MXI1: variants seen among roughly 807,000 people sequenced by gnomAD.
MXI1 encodes max-interacting protein 1.
MXI1 carries 18 observed loss-of-function variants against 36.9 expected under a neutral mutation model. That is an observed-to-expected ratio of 0.49 (90% CI 0.34 to 0.72). The LOEUF (loss-of-function observed/expected upper bound fraction) is 0.72. Among genes scored for constraint, MXI1 ranks in the 30% least tolerant of loss-of-function variants. The pLI is 0.01. For missense variants in MXI1, 304 were observed against 379.1 expected (o/e 0.80, Z 1.64); for synonymous variants, 160 against 146.7 (o/e 1.09, Z -0.65).
At chr10:110,215,719 T>C (rs1854621069) in intron 1 of MXI1, among the ~76,000 whole-genome samples, 1 of 152,178 alleles carries the variant, frequency 6.6e-6, no homozygotes, top group South Asian at 2.1e-4. Context: ...CTTAGAAAAA[T>C]ACTATCTTTT....
intron 1 of MXI1, chr10:110,226,170 A>C: frequency 7.0e-7 from 1 of 1,425,940 alleles, no homozygotes; most frequent in Non-Finnish European, 9.2e-7. Context: ...TCGGCCCGAG[A>C]AGGGAGTGCG....
At chr10:110,235,505 G>A (rs902120726) in intron 2 of MXI1, among the ~76,000 whole-genome samples, 1 of 151,792 alleles carries the variant, frequency 6.6e-6, no homozygotes, top group Admixed American at 6.6e-5. Flanking sequence ...GGCTAACATG[G>A]GGAAACCCTG....
chr10:110,226,395 T>G, intron 1 of MXI1: 35 of 888,492 alleles, frequency 3.9e-5, no homozygotes, highest in East Asian at 1.5e-4. Context: ...AGGTGAGGTG[T>G]GCGCGCATGT....
chr10:110,235,138 C>T (rs1043399844), intron 2 of MXI1, among the ~76,000 whole-genome samples: 5 of 152,132 alleles, frequency 3.3e-5, no homozygotes, highest in Admixed American at 1.3e-4. Context: ...AAATGAGAAG[C>T]GTTTCTTGCT....
intron 3 of MXI1, among the ~76,000 whole-genome samples, chr10:110,245,245 A>G: frequency 6.6e-6 from 1 of 152,172 alleles, no homozygotes; most frequent in East Asian, 1.9e-4. Flanking sequence ...TTGTTCATTC[A>G]TTCATTCATT....
At chr10:110,235,291 T>C (rs1197319398) in intron 2 of MXI1, among the ~76,000 whole-genome samples, 1 of 152,210 alleles carries the variant, frequency 6.6e-6, no homozygotes, top group Non-Finnish European at 1.5e-5. Context: ...TAGTACTGTT[T>C]ATTATTAATC....
intron 1 of MXI1, chr10:110,226,004 C>A: frequency 3.1e-6 from 3 of 982,956 alleles, no homozygotes; most frequent in South Asian, 4.7e-5. Context: ...GTAAACAAAC[C>A]ACGCGCGGGC....
intron 3 of MXI1, among the ~76,000 whole-genome samples, chr10:110,276,795 G>T (rs1857047975): frequency 6.6e-6 from 1 of 150,814 alleles, no homozygotes; most frequent in South Asian, 2.1e-4. Context: ...TTTCCTTGAT[G>T]TGAAAGTTTA....
At chr10:110,222,772 T>C (rs536760938) in intron 1 of MXI1, among the ~76,000 whole-genome samples, 3 of 152,364 alleles carry the variant, frequency 2.0e-5, no homozygotes, top group South Asian at 4.1e-4. Context: ...AGAAAGGCTA[T>C]GGCTGCCTCT....
chr10:110,220,016 A>G (rs1854759661), intron 1 of MXI1, among the ~76,000 whole-genome samples: 1 of 152,170 alleles, frequency 6.6e-6, no homozygotes, highest in Non-Finnish European at 1.5e-5. Context: ...ACACTCCTAC[A>G]ATGTTTCTAC....
At chr10:110,211,222 G>A (rs893689456) in intron 1 of MXI1, among the ~76,000 whole-genome samples, 2 of 152,080 alleles carry the variant, frequency 1.3e-5, no homozygotes, top group African/African-American at 4.8e-5. Flanking sequence ...CCCAGCTAGA[G>A]ACACATGGTT....
intron 2 of MXI1, among the ~76,000 whole-genome samples, chr10:110,231,442 C>G (rs1855257667): frequency 6.6e-6 from 1 of 151,690 alleles, no homozygotes; most frequent in South Asian, 2.1e-4. Context: ...TCCTATTCCC[C>G]TTTCCCCCAT....
chr10:110,279,901 TTCA>T lies in MXI1; in HGVS notation c.553-8_553-6del. ...GACTATACACAAATGTAAAAATCAT[TTCA>T]TCATTTCAGAAACTTGAAGAAGCTG... On this transcript the variant is annotated splice_polypyrimidine_tract_variant and intron_variant, in intron 4 of 5. Transcript: ENST00000332674. 1.3e-6 allele frequency: 2 copies of T among 1,595,472 alleles called. No homozygotes were observed. The highest frequency in any genetic ancestry group is 3.6e-5 in the Admixed American group (2 of 55,782).
intron 3 of MXI1, among the ~76,000 whole-genome samples, chr10:110,259,899 A>G (rs1856449050): frequency 6.6e-6 from 1 of 152,070 alleles, no homozygotes; most frequent in African/African-American, 2.4e-5. Context: ...GTTCTTTAAG[A>G]CGAATTTGTT....
rs1857175643 is a variant in MXI1 at position 110,279,975 on chromosome 10, G to T, written c.614G>T (p.Arg205Ile). 6 of 1,613,436 alleles carry T rather than the reference G, an allele frequency of 3.7e-6. No individual in the cohort carries two copies. The South Asian group carries it at 6.6e-5, about 18-fold the overall frequency. Residue 205 changes from arginine to isoleucine, a missense_variant, in exon 5 of 6, where the codon AGA becomes ATA. By Grantham distance (97) the Arg-to-Ile change is moderately conservative (BLOSUM62 -3). Transcript: ENST00000332674. ...HQLENLEREQ[R>I]FLKWRLEQLQ... ...CTCGAGAATTTGGAACGAGAACAGA[G>T]ATTTTTAAAGTGGCGACTGGAACAG... is the stretch of plus-strand genomic sequence containing the variant.
intron 1 of MXI1, among the ~76,000 whole-genome samples, chr10:110,223,758 A>G (rs923048392): frequency 4.6e-5 from 7 of 152,002 alleles, no homozygotes; most frequent in African/African-American, 1.7e-4. Flanking sequence ...ATGACCTGGG[A>G]AAGTCCAGAT....
intron 3 of MXI1, among the ~76,000 whole-genome samples, chr10:110,275,606 A>G (rs1856999761): frequency 6.6e-6 from 1 of 152,200 alleles, no homozygotes. Context: ...AGTGGCAGCT[A>G]AGGACATGTG....
At chr10:110,262,373 G>A (rs2134432933) in intron 3 of MXI1, among the ~76,000 whole-genome samples, 1 of 152,078 alleles carries the variant, frequency 6.6e-6, no homozygotes, top group East Asian at 1.9e-4. Flanking sequence ...TCAGCATTTG[G>A]GGATTTTGGT....
chr10:110,227,420 G>A, intron 1 of MXI1: 2 of 988,828 alleles, frequency 2.0e-6, no homozygotes, highest in Non-Finnish European at 2.4e-6. Context: ...CGCACGGAGG[G>A]TGGGGCTGTG....
Sources: allele counts gnomAD v4.1 joint callset (sites outside exome capture counted in the v4.1 genomes callset), GRCh38; gene constraint gnomAD v4.1.1; transcripts MANE v1.5; gene names NCBI Gene and HGNC (gene_info 2026-07-23, HGNC 2026-07-21).